The following MIS18A variants were observed in gnomAD, a reference collection of about 807,000 sequenced individuals.
MIS18A encodes the protein protein Mis18-alpha.
In MIS18A, 14 loss-of-function variants were observed where a neutral mutation model predicts 25.0. That is an observed-to-expected ratio of 0.56 (90% CI 0.37 to 0.88). The LOEUF is 0.88. Ranked by LOEUF, MIS18A falls within the 40% of genes least tolerant of loss-of-function variation. The pLI, the probability that MIS18A is intolerant of heterozygous loss-of-function variation, is 0.00. For synonymous variants in MIS18A, 134 were observed against 118.6 expected (o/e 1.13, Z -0.84); for missense variants, 292 against 290.8 (o/e 1.00, Z -0.03).
At chr21:32,194,866 A>G in the MIS18A span, among the ~76,000 whole-genome samples, 893 of 152,200 alleles carry the variant, frequency 5.9e-3, 6 homozygotes, top group East Asian at 0.015. Context: ...TACAGAGTGG[A>G]ATAACACACA....
the MIS18A span, among the ~76,000 whole-genome samples, chr21:32,231,289 C>A: frequency 2.0e-4 from 30 of 147,714 alleles, no homozygotes; most frequent in African/African-American, 7.2e-4. Context: ...ATTTGCAAAT[C>A]ACATATCTGA....
the MIS18A span, among the ~76,000 whole-genome samples, chr21:32,173,981 T>G: frequency 1.9e-5 from 1 of 53,566 alleles, no homozygotes; most frequent in African/African-American, 9.8e-5. Context: ...TTTTTTTTTT[T>G]TTGAGACGGA....
chr21:32,164,862 T>A, the MIS18A span, among the ~76,000 whole-genome samples: 7 of 152,154 alleles, frequency 4.6e-5, no homozygotes, highest in Non-Finnish European at 5.9e-5. Flanking sequence ...CACCATTTTT[T>A]AAAATTAGCT....
At chr21:32,189,359 G>A in the MIS18A span, among the ~76,000 whole-genome samples, 1 of 152,172 alleles carries the variant, frequency 6.6e-6, no homozygotes, top group East Asian at 1.9e-4. Flanking sequence ...GCTCACTGCA[G>A]CCTTGACCTC....
At chr21:32,211,117 T>C in the MIS18A span, among the ~76,000 whole-genome samples, 4 of 152,180 alleles carry the variant, frequency 2.6e-5, no homozygotes, top group African/African-American at 7.2e-5. Flanking sequence ...ATGAGCTCAT[T>C]GCAACATTTG....
At chr21:32,213,628 T>C in the MIS18A span, among the ~76,000 whole-genome samples, 5 of 152,232 alleles carry the variant, frequency 3.3e-5, no homozygotes, top group Non-Finnish European at 7.3e-5. Flanking sequence ...TATTCAAGTG[T>C]TAATTTTTTG....
the MIS18A span, among the ~76,000 whole-genome samples, chr21:32,216,872 T>C: frequency 9.8e-4 from 150 of 152,312 alleles, no homozygotes; most frequent in African/African-American, 3.5e-3. Context: ...ATTATTAGTG[T>C]ACCACTAAGC....
chr21:32,278,938 C>CTGCATTTG lies in MIS18A; in HGVS notation c.69_76dup (p.Ser26ThrfsTer33), dbSNP rs1219647649. 1.9e-6 allele frequency: 3 copies of CTGCATTTG among 1,613,298 alleles called. No homozygotes were observed. In the East Asian group the frequency reaches 6.7e-5, roughly 36 times the overall value. On this transcript the variant is annotated frameshift_variant, in exon 1 of 5. Transcript: ENST00000290130. LOFTEE classifies it high-confidence loss of function. ...TCTCTTGCCCAACAGCGAGGAGTCGCTGCATTTGCCCTTGTCGCCGCACTC... is the reference window on the plus strand; with the variant it reads ...TCTCTTGCCCAACAGCGAGGAGTCGCTGCATTTGTGCATTTGCCCTTGTCGCCGCACTC...
intron 1 of MIS18A, 194 bp downstream of exon 1, chr21:32,278,464 GATCGGGGACCCCAGAAAAGAACC>G: frequency 1.8e-6 from 1 of 558,748 alleles, no homozygotes; most frequent in East Asian, 3.1e-5. Flanking sequence ...GCTCTTCTGG[GATCGGGGACCCCAGAAAAGAACC>G]CACCGCCCGA....
the MIS18A span, among the ~76,000 whole-genome samples, chr21:32,157,240 TG>T: frequency 0.02 from 1,143 of 58,130 alleles, 85 homozygotes; most frequent in Middle Eastern, 0.033. Context: ...TTTTTTTTTT[TG>T]GTAGTTTTAG....
chr21:32,265,173 T>C (rs1158690970), downstream of MIS18A, among the ~76,000 whole-genome samples: 1 of 152,174 alleles, frequency 6.6e-6, no homozygotes, highest in African/African-American at 2.4e-5. Context: ...GTGCTGGCAG[T>C]CCTCAGAGCC....
the MIS18A span, among the ~76,000 whole-genome samples, chr21:32,236,780 G>C: frequency 6.6e-6 from 1 of 152,278 alleles, no homozygotes; most frequent in African/African-American, 2.4e-5. Context: ...ACATCTACCT[G>C]CAAGGGAGGC....
At chr21:32,169,716 A>G in the MIS18A span, among the ~76,000 whole-genome samples, 2 of 152,164 alleles carry the variant, frequency 1.3e-5, no homozygotes, top group African/African-American at 4.8e-5. Context: ...TGAGAGCTAT[A>G]CTGGTTCAAG....
the MIS18A span, among the ~76,000 whole-genome samples, chr21:32,248,259 G>C: frequency 6.6e-6 from 1 of 152,170 alleles, no homozygotes; most frequent in African/African-American, 2.4e-5. Flanking sequence ...CTCATACAGT[G>C]TAATTTCTCC....
the MIS18A span, among the ~76,000 whole-genome samples, chr21:32,254,716 G>C: frequency 6.6e-6 from 1 of 152,074 alleles, no homozygotes; most frequent in African/African-American, 2.4e-5. Context: ...ATGCTGGGCC[G>C]GACCTAGAAT....
chr21:32,224,354 G>A, the MIS18A span, among the ~76,000 whole-genome samples: 2 of 150,950 alleles, frequency 1.3e-5, no homozygotes, highest in Non-Finnish European at 2.9e-5. Context: ...GTTTGCAGAC[G>A]ACATGACTGT....
chr21:32,159,225 CA>C, the MIS18A span, among the ~76,000 whole-genome samples: 1 of 152,150 alleles, frequency 6.6e-6, no homozygotes, highest in African/African-American at 2.4e-5. Context: ...ACTTTGTTTA[CA>C]AGCATTTATT....
the MIS18A span, among the ~76,000 whole-genome samples, chr21:32,223,138 G>A: frequency 3.4e-4 from 51 of 152,182 alleles, 1 homozygote; most frequent in African/African-American, 1.2e-3. Flanking sequence ...TGTTTAGAGG[G>A]AAATTTATAG....
chr21:32,234,647 C>T, the MIS18A span, among the ~76,000 whole-genome samples: 10 of 152,216 alleles, frequency 6.6e-5, no homozygotes, highest in East Asian at 1.9e-4. Context: ...TGTTCTCACT[C>T]GGTTCATGTG....
Sources: allele counts gnomAD v4.1 joint callset (sites outside exome capture counted in the v4.1 genomes callset), GRCh38; gene constraint gnomAD v4.1.1; transcripts MANE v1.5; gene names NCBI Gene and HGNC (gene_info 2026-07-23, HGNC 2026-07-21).